The following IZUMO2 variants were observed in gnomAD, a reference collection of about 807,000 sequenced individuals.
The protein encoded by IZUMO2 is IZUMO family member 2.
IZUMO2 carries 24 observed loss-of-function variants against 31.2 expected under a neutral mutation model. The observed-to-expected ratio is 0.77, with a 90% CI of 0.56 to 1.08. The LOEUF (loss-of-function observed/expected upper bound fraction) is 1.08, where lower values mean the gene tolerates loss of function less well. Ranked by LOEUF, IZUMO2 falls within the 50% of genes least tolerant of loss-of-function variation. The pLI, the probability that IZUMO2 is intolerant of heterozygous loss-of-function variation, is 0.00. For missense variants in IZUMO2, 278 were observed against 274.0 expected, an observed-to-expected ratio of 1.01 and a Z score of -0.10; for synonymous variants, 144 against 117.3, an observed-to-expected ratio of 1.23 and a Z score of -1.47.
At chr19:50,154,753 A>C (rs1600811681) in intron 5 of IZUMO2, 27 bp from the exon 6 acceptor site, 2 of 1,610,252 alleles carry the variant, frequency 1.2e-6, no homozygotes, top group Non-Finnish European at 1.7e-6. Flanking sequence ...AACAGCCCCG[A>C]CCTCCACGTC....
intron 5 of IZUMO2, among the ~76,000 whole-genome samples, chr19:50,157,976 C>G (rs573601376): frequency 6.6e-6 from 1 of 151,630 alleles, no homozygotes; most frequent in African/African-American, 2.4e-5. Context: ...GAATTCAGCA[C>G]ATCCTTCCAA....
At chr19:50,158,152 T>C in intron 5 of IZUMO2, 116 bp downstream of exon 5, 2 of 578,106 alleles carry the variant, frequency 3.5e-6, no homozygotes, top group Non-Finnish European at 6.1e-6. Context: ...AAGCAAATGG[T>C]TAGGGCAGGA....
At chr19:50,154,359 C>T (rs2030139912) in intron 6 of IZUMO2, among the ~76,000 whole-genome samples, 1 of 136,938 alleles carries the variant, frequency 7.3e-6, no homozygotes, top group Non-Finnish European at 1.5e-5. Flanking sequence ...GTAATGTGGC[C>T]CAGAGGTGGA....
chr19:50,162,016 C>T (rs576596103), intron 2 of IZUMO2, among the ~76,000 whole-genome samples: 2 of 152,306 alleles, frequency 1.3e-5, no homozygotes, highest in Admixed American at 6.5e-5. Context: ...GGCATGGTGG[C>T]TTACGCCTAT....
In IZUMO2 at chr19:50,158,359, G is replaced by C. The variant is rs879219223; in HGVS notation, c.416-11C>G. 1.3e-6 allele frequency: 2 copies of C among 1,586,630 alleles called. No homozygotes were observed. Among genetic ancestry groups the C allele is most frequent in the Admixed American group, 3.4e-5 (2 of 59,216 alleles). On this transcript the variant is annotated splice_polypyrimidine_tract_variant and intron_variant, in intron 4 of 6. Transcript: ENST00000293405. ...CTTCTTTTAGCAAGCCTAGGCAAGG[G>C]GAAAGGGAGAAGTAAGACAAGGGCA...
intron 2 of IZUMO2, chr19:50,159,819 G>A (rs1340463046): frequency 1.7e-5 from 7 of 415,340 alleles, no homozygotes; most frequent in Non-Finnish European, 3.1e-5. Flanking sequence ...TCCTCATCTG[G>A]CAAGTGGATT....
intron 2 of IZUMO2, among the ~76,000 whole-genome samples, chr19:50,162,209 G>A (rs1390024551): frequency 2.0e-5 from 3 of 152,142 alleles, no homozygotes. Flanking sequence ...CTTGAACCCG[G>A]CAGGCGGAAG....
chr19:50,154,490 A>T, intron 6 of IZUMO2, 110 bp downstream of exon 6: 1 of 1,031,468 alleles, frequency 9.7e-7, no homozygotes, highest in Non-Finnish European at 1.4e-6. Context: ...GACTAAAGTG[A>T]CTGAAGAGGA....
chr19:50,160,371 T>A (rs984713421), intron 2 of IZUMO2: 1 of 152,196 alleles, frequency 6.6e-6, no homozygotes, highest in African/African-American at 2.4e-5. Context: ...ATAATTCCTA[T>A]GTGGATTGCA....
chr19:50,161,247 CCTGAG>C (rs2030391443), intron 2 of IZUMO2, among the ~76,000 whole-genome samples: 2 of 151,836 alleles, frequency 1.3e-5, no homozygotes, highest in African/African-American at 4.8e-5. Context: ...GCCTCAGCCT[CCTGAG>C]TAGCTGGGAT....
chr19:50,162,614 T>TA (rs1008888723), intron 2 of IZUMO2, 125 bp downstream of exon 2: 2 of 809,096 alleles, frequency 2.5e-6, no homozygotes, highest in Non-Finnish European at 4.0e-6. Flanking sequence ...CTCTGTCTCT[T>TA]AAAAAAGAAA....
At chr19:50,156,164 C>T (rs2030205731) in intron 5 of IZUMO2, among the ~76,000 whole-genome samples, 1 of 152,154 alleles carries the variant, frequency 6.6e-6, no homozygotes, top group Non-Finnish European at 1.5e-5. Context: ...CATGCAATTA[C>T]CATCTAACCC....
chr19:50,162,215 G>A (rs2030423416), intron 2 of IZUMO2, among the ~76,000 whole-genome samples: 2 of 152,028 alleles, frequency 1.3e-5, no homozygotes, highest in African/African-American at 4.8e-5. Flanking sequence ...CCCGGCAGGC[G>A]GAAGCTCCAG....
rs1000234823 is a variant in IZUMO2 at position 50,163,190 on chromosome 19, G to A, written c.5C>T (p.Pro2Leu). Residue 2 changes from proline to leucine, a missense_variant, in exon 1 of 7, where the codon CCT becomes CTT. Pro to Leu is a moderately conservative substitution (Grantham distance 98). Coordinates refer to ENST00000293405, the MANE Select transcript of IZUMO2 (RefSeq NM_152358.3). Reference protein sequence around the residue: MPLALTLLLLSG... With the variant: MLLALTLLLLSG... ...GAGCAGCAGAAGGGTCAAAGCCAGA[G>A]GCATGGCGGGGCCTTTGTGACGTCA... is the stretch of plus-strand genomic sequence containing the variant. 12 of 1,547,456 alleles carry A rather than the reference G, an allele frequency of 7.8e-6. No homozygotes were observed. In the African/African-American group the frequency reaches 1.2e-4, roughly 16 times the overall value.
intron 2 of IZUMO2, 38 bp downstream of exon 2, chr19:50,162,701 G>A (rs369772961): frequency 5.9e-6 from 9 of 1,526,352 alleles, no homozygotes; most frequent in Non-Finnish European, 3.6e-6. Flanking sequence ...GCGGAAAGAA[G>A]AGGGGTGCTG....
In IZUMO2 at chr19:50,158,440, C is replaced by A. The variant is rs555163789; in HGVS notation, c.416-92G>T. 4 of 756,468 alleles carry A rather than the reference C, an allele frequency of 5.3e-6. No homozygotes were observed. In the South Asian group the frequency reaches 5.7e-5, roughly 11 times the overall value. The allele number at this position is 756,468 out of a possible 1,614,324, so 46.9% of individuals were successfully genotyped here. ...AAGAAGGAGAAAGAGGAGATGGGGTCCCTTGGCTTCTCCTAAATTTCATAG... is the reference window on the plus strand; with the variant it reads ...AAGAAGGAGAAAGAGGAGATGGGGTACCTTGGCTTCTCCTAAATTTCATAG... On this transcript the variant is annotated intron_variant, in intron 4 of 6. Transcript: ENST00000293405.
In IZUMO2 at chr19:50,159,504, A is replaced by C; in HGVS notation, c.384T>G (p.Tyr128Ter). 6.2e-7 allele frequency: 1 copy of C among 1,608,596 alleles called. No individual in the cohort carries two copies. The highest frequency in any genetic ancestry group is 8.5e-7 in the Non-Finnish European group (1 of 1,175,044). The stretch of plus-strand genomic sequence containing the variant: ...AGAGATATGCTGCACCTTTTAATTC[A>C]TATGAAATTAAAACTTTCTTGAATT... ...IKEFKKVLISYELKACNPKLC... is the reference protein window; with the variant it reads ...IKEFKKVLIS Residue 128 changes from tyrosine to a stop codon, truncating the protein, a stop_gained, in exon 3 of 7, where the codon TAT (tyrosine) becomes TAG (stop). Transcript: ENST00000293405. LOFTEE classifies it high-confidence loss of function.
chr19:50,162,621 GA>G (rs199972252), intron 2 of IZUMO2, 117 bp downstream of exon 2: 2,084 of 742,174 alleles, frequency 2.8e-3, no homozygotes, highest in South Asian at 3.3e-3. Context: ...TCTTAAAAAA[GA>G]AAAAAAAAAG....
At chr19:50,152,788 T>G (rs2030071915) in intron 6 of IZUMO2, 137 bp from the exon 7 acceptor site, 1 of 744,430 alleles carries the variant, frequency 1.3e-6, no homozygotes, top group African/African-American at 1.8e-5. Flanking sequence ...GTCATGGGCA[T>G]CTGGGCAGAT....
Sources: allele counts gnomAD v4.1 joint callset (sites outside exome capture counted in the v4.1 genomes callset), GRCh38; gene constraint gnomAD v4.1.1; transcripts MANE v1.5; gene names NCBI Gene and HGNC (gene_info 2026-07-23, HGNC 2026-07-21).